Variants in TRAPPC9 observed in about 807,000 individuals in gnomAD.
TRAPPC9 encodes the protein IKK2 binding protein.
Under a neutral mutation model 124.0 loss-of-function variants are expected in TRAPPC9, and 83 were observed. The observed-to-expected ratio is 0.67, with a 90% CI of 0.56 to 0.80. The LOEUF is 0.80. Among genes scored for constraint, TRAPPC9 ranks in the 30% least tolerant of loss-of-function variants. The probability of loss-of-function intolerance (pLI) is 0.00; values close to 1 mark genes in which losing one functional copy is unlikely to be tolerated. For missense variants in TRAPPC9, 1,302 were observed against 1,508.3 expected (o/e 0.86, Z 2.27); for synonymous variants, 638 against 617.5 (o/e 1.03, Z -0.49).
intron 21 of TRAPPC9, among the ~76,000 whole-genome samples, chr8:139,827,291 C>T (rs1016141704): frequency 2.6e-5 from 4 of 152,200 alleles, no homozygotes; most frequent in African/African-American, 4.8e-5. Flanking sequence ...TCCGCAGGGC[C>T]GAGGCATGTG....
In TRAPPC9 at chr8:140,252,480, T is replaced by A. The variant is rs1189673848; in HGVS notation, c.2431+297A>T. The A allele has an allele frequency of 5.0e-6, 2 of 402,146 alleles. No homozygotes were observed. The highest frequency in any genetic ancestry group is 2.0e-5 in the African/African-American group (1 of 49,544). 24.9% of individuals were successfully genotyped at this position (402,146 alleles called of 1,614,324 possible). A position where few individuals can be genotyped will look rare whatever the true frequency, so the allele number is the denominator to read the frequency against. ...GATGTCTAAAGAATCACAGCAGTTA[T>A]ACTTGAAAAAACGCAGTAATTCCTA... On this transcript the variant is annotated intron_variant, in intron 16 of 22. Coordinates refer to ENST00000438773, the MANE Select transcript of TRAPPC9 (RefSeq NM_001160372.4). This position sits in a 1 kb window ranked among gnomAD's most constrained non-coding sequence, Gnocchi z 4.2.
intron 21 of TRAPPC9, among the ~76,000 whole-genome samples, chr8:139,813,056 C>T (rs1457728782): frequency 6.6e-6 from 1 of 152,226 alleles, no homozygotes; most frequent in African/African-American, 2.4e-5. Context: ...CTCAGCTCTC[C>T]TGAGCTCTAC....
chr8:139,868,365 T>C (rs1160188636), intron 21 of TRAPPC9, among the ~76,000 whole-genome samples: 1 of 152,070 alleles, frequency 6.6e-6, no homozygotes, highest in Non-Finnish European at 1.5e-5. Context: ...CAAAAATAAA[T>C]AAATAAATAA....
chr8:140,140,092 C>T (rs1173309672), intron 17 of TRAPPC9, among the ~76,000 whole-genome samples: 3 of 152,142 alleles, frequency 2.0e-5, no homozygotes, highest in African/African-American at 4.8e-5. Context: ...GTGTGTCCCA[C>T]GAGGGCAAGT....
intron 9 of TRAPPC9, among the ~76,000 whole-genome samples, chr8:140,318,771 A>G (rs1375025826): frequency 6.6e-6 from 1 of 152,218 alleles, no homozygotes; most frequent in Non-Finnish European, 1.5e-5. Context: ...TTATGCATTC[A>G]TCTGTTGATG....
intron 17 of TRAPPC9, among the ~76,000 whole-genome samples, chr8:140,081,502 C>T (rs1009109016): frequency 1.3e-5 from 2 of 152,010 alleles, no homozygotes; most frequent in Non-Finnish European, 2.9e-5. Flanking sequence ...CCCACCACCA[C>T]ACCCAGCTAA....
intron 17 of TRAPPC9, among the ~76,000 whole-genome samples, chr8:140,129,553 G>A (rs754281452): frequency 6.6e-6 from 1 of 152,176 alleles, no homozygotes; most frequent in Non-Finnish European, 1.5e-5. Context: ...CCCGAGCTGC[G>A]TGGGCAGGAT....
chr8:140,243,163 C>G (rs2063902526), intron 16 of TRAPPC9, among the ~76,000 whole-genome samples: 1 of 152,188 alleles, frequency 6.6e-6, no homozygotes, highest in Admixed American at 6.5e-5. Context: ...AGCAAAGACA[C>G]TTTGATGCAG....
At chr8:140,450,292 T>C (rs2071410872) in intron 2 of TRAPPC9, among the ~76,000 whole-genome samples, 1 of 151,998 alleles carries the variant, frequency 6.6e-6, no homozygotes, top group Non-Finnish European at 1.5e-5. Context: ...ACCCGGGAGG[T>C]GCACGTTGCA....
chr8:140,453,840 G>A (rs147424283), intron 1 of TRAPPC9, among the ~76,000 whole-genome samples: 2,391 of 152,230 alleles, frequency 0.016, 39 homozygotes, highest in Middle Eastern at 0.068. Flanking sequence ...AAAACCCCTC[G>A]GAGGACATAT....
intron 17 of TRAPPC9, among the ~76,000 whole-genome samples, chr8:140,088,061 G>A (rs1246431221): frequency 1.3e-5 from 2 of 151,974 alleles, no homozygotes; most frequent in Non-Finnish European, 1.5e-5. Context: ...ACCTCCTCAA[G>A]AGATGCTCCT....
chr8:139,901,569 G>C (rs539632192), intron 20 of TRAPPC9, among the ~76,000 whole-genome samples: 15 of 152,294 alleles, frequency 9.8e-5, no homozygotes, highest in African/African-American at 3.6e-4. Flanking sequence ...TTGCCTGGGT[G>C]AGAATATTCC....
At chr8:140,196,192 C>T (rs2062662945) in intron 17 of TRAPPC9, among the ~76,000 whole-genome samples, 1 of 97,690 alleles carries the variant, frequency 1.0e-5, no homozygotes, top group Non-Finnish European at 2.0e-5. Flanking sequence ...AACGATCCAC[C>T]ATACAGATCA....
intron 9 of TRAPPC9, among the ~76,000 whole-genome samples, chr8:140,329,563 G>A (rs2066841648): frequency 6.6e-6 from 1 of 152,134 alleles, no homozygotes; most frequent in South Asian, 2.1e-4. Context: ...CCCCACTGTA[G>A]GGAAGAGAAA....
Position 140,222,274 on chromosome 8 carries a change from G to A in TRAPPC9, c.2432-691C>T, listed in dbSNP as rs185231868. On this transcript the variant is annotated intron_variant, in intron 16 of 22. Coordinates refer to ENST00000438773, the MANE Select transcript of TRAPPC9 (RefSeq NM_001160372.4). ...GCCACAAGACCCTACTTAAACCTCC[G>A]AGGAGCCACACTCTGCCATCTGGGT... Among the ~76,000 whole-genome samples the A allele has an allele frequency of 3.3e-3, 497 of 152,216 alleles. 3 individuals carry two copies. Among genetic ancestry groups the A allele is most frequent in the African/African-American group, 9.0e-3 (372 of 41,532 alleles).
intron 21 of TRAPPC9, among the ~76,000 whole-genome samples, chr8:139,770,909 G>A (rs1191650343): frequency 6.6e-6 from 1 of 152,166 alleles, no homozygotes; most frequent in African/African-American, 2.4e-5. Flanking sequence ...GCGGGCGTAG[G>A]GAAGAGTCAC....
At chr8:140,403,638 T>C (rs939079961) in intron 6 of TRAPPC9, among the ~76,000 whole-genome samples, 10 of 150,292 alleles carry the variant, frequency 6.7e-5, no homozygotes, top group Non-Finnish European at 1.0e-4. Flanking sequence ...TACAGGAATA[T>C]ATAACACTTT....
intron 17 of TRAPPC9, among the ~76,000 whole-genome samples, chr8:140,175,291 C>G (rs1398582175): frequency 4.0e-5 from 6 of 151,766 alleles, no homozygotes; most frequent in Non-Finnish European, 8.8e-5. Context: ...CTCCATTACA[C>G]TGAGTGTCAG....
chr8:139,882,950 T>C (rs1829769933), intron 21 of TRAPPC9, among the ~76,000 whole-genome samples: 1 of 152,070 alleles, frequency 6.6e-6, no homozygotes, highest in Non-Finnish European at 1.5e-5. Context: ...TGAGCCCCCC[T>C]ATGAAAAAAG....
Sources: allele counts gnomAD v4.1 joint callset (sites outside exome capture counted in the v4.1 genomes callset), GRCh38; gene constraint gnomAD v4.1.1; non-coding constraint Gnocchi (gnomAD v3.1); transcripts MANE v1.5; gene names NCBI Gene and HGNC (gene_info 2026-07-23, HGNC 2026-07-21).